Variants in CGNL1 observed in about 807,000 individuals in gnomAD.
CGNL1 encodes cingulin like 1.
CGNL1 carries 132 observed loss-of-function variants against 141.2 expected under a neutral mutation model. The observed-to-expected ratio is 0.93, with a 90% CI of 0.81 to 1.08. The LOEUF is 1.08. Among genes scored for constraint, CGNL1 ranks in the 50% least tolerant of loss-of-function variants. The probability of loss-of-function intolerance (pLI) is 0.00; values close to 1 mark genes in which losing one functional copy is unlikely to be tolerated. For missense variants in CGNL1, 1,870 were observed against 1,588.6 expected, an observed-to-expected ratio of 1.18 and a Z score of -3.01; for synonymous variants, 690 against 622.1, an observed-to-expected ratio of 1.11 and a Z score of -1.63.
chr15:57,542,059 G>A lies in CGNL1; in HGVS notation c.3292-1637G>A, dbSNP rs186753754. The stretch of plus-strand genomic sequence containing the variant: ...GTGTGACACACCTCGGTCAGGACAA[G>A]GGGAGCCAGGGAGCAAATGCAAGCC... On this transcript the variant is annotated intron_variant, in intron 14 of 18. Coordinates refer to ENST00000281282, the MANE Select transcript of CGNL1 (RefSeq NM_032866.5). Among the ~76,000 whole-genome samples the A allele has an allele frequency of 1.5e-3, 234 of 152,304 alleles. 1 individual carries two copies. The highest frequency in any genetic ancestry group is 2.7e-3 in the East Asian group (14 of 5,176).
chr15:57,541,135 G>A (rs1340303009), intron 14 of CGNL1, among the ~76,000 whole-genome samples: 1 of 152,248 alleles, frequency 6.6e-6, no homozygotes, highest in South Asian at 2.1e-4. Flanking sequence ...CCTTGCTTAG[G>A]AGCCTGTATC....
chr15:57,389,374 T>A (rs1293579333), intron 1 of CGNL1, among the ~76,000 whole-genome samples: 1 of 152,256 alleles, frequency 6.6e-6, no homozygotes, highest in African/African-American at 2.4e-5. Flanking sequence ...AAAAGTAGAT[T>A]CTGCTATCAA....
intron 17 of CGNL1, 21 bp from the exon 18 acceptor site, chr15:57,546,055 C>T (rs368701154): frequency 6.2e-7 from 1 of 1,605,178 alleles, no homozygotes; most frequent in African/African-American, 1.3e-5. Flanking sequence ...GGCACTCAGC[C>T]CACATTCTCT....
intron 8 of CGNL1, among the ~76,000 whole-genome samples, chr15:57,509,738 C>G (rs1644369147): frequency 6.6e-6 from 1 of 152,222 alleles, no homozygotes; most frequent in South Asian, 2.1e-4. Context: ...CACTTTCTTG[C>G]ATATGTGTGA....
intron 15 of CGNL1, 117 bp downstream of exon 15, chr15:57,543,896 CTG>C: frequency 2.9e-6 from 2 of 698,042 alleles, no homozygotes; most frequent in South Asian, 3.8e-5. Context: ...CCCAAGAACT[CTG>C]GGGGGTAACA....
chr15:57,535,193 G>A (rs2032192780), intron 14 of CGNL1, among the ~76,000 whole-genome samples: 1 of 152,166 alleles, frequency 6.6e-6, no homozygotes, highest in African/African-American at 2.4e-5. Context: ...AATTTCCAAG[G>A]CAGTGCTCTA....
intron 4 of CGNL1, among the ~76,000 whole-genome samples, chr15:57,443,419 C>T (rs1368522967): frequency 6.6e-6 from 1 of 152,220 alleles, no homozygotes; most frequent in African/African-American, 2.4e-5. Context: ...ATCTTCCTTT[C>T]CCCTCCCAGG....
At chr15:57,477,317 A>G (rs1214933285) in intron 8 of CGNL1, among the ~76,000 whole-genome samples, 2 of 152,218 alleles carry the variant, frequency 1.3e-5, no homozygotes, top group African/African-American at 2.4e-5. Context: ...CCAAGAGCCC[A>G]AAGACATCTA....
chr15:57,472,633 A>G (rs906631229), intron 8 of CGNL1, among the ~76,000 whole-genome samples: 4 of 152,102 alleles, frequency 2.6e-5, no homozygotes, highest in Non-Finnish European at 4.4e-5. Context: ...TAAAGGGATT[A>G]TTACCTGTCC....
chr15:57,482,897 G>T (rs144555736), intron 8 of CGNL1, among the ~76,000 whole-genome samples: 10 of 151,368 alleles, frequency 6.6e-5, no homozygotes, highest in African/African-American at 1.9e-4. Context: ...CAATTCTTCT[G>T]CCTCAACCTC....
chr15:57,543,449 C>T (rs1280169472), intron 14 of CGNL1, among the ~76,000 whole-genome samples: 6 of 152,156 alleles, frequency 3.9e-5, no homozygotes, highest in Admixed American at 6.5e-5. Context: ...GGACACAGTT[C>T]AACCCCTAAC....
rs184295546 is a variant in CGNL1 at position 57,487,546 on chromosome 15, T to C, written c.2403+25654T>C. On this transcript the variant is annotated intron_variant, in intron 8 of 18. Transcript: ENST00000281282. ...ATATTGGTAATAATATAAGTGTCAT[T>C]GGTTGTTACCAAATGAATCTATATA... 1.2e-3 allele frequency among the ~76,000 whole-genome samples: 178 copies of C among 152,346 alleles called. 1 individual carries two copies. The highest frequency in any genetic ancestry group is 4.3e-3 in the African/African-American group (177 of 41,578).
intron 8 of CGNL1, among the ~76,000 whole-genome samples, chr15:57,494,245 T>C (rs895593976): frequency 7.2e-5 from 11 of 152,270 alleles, no homozygotes; most frequent in African/African-American, 2.7e-4. Flanking sequence ...TGAATATTTC[T>C]AACTGGATAG....
intron 8 of CGNL1, among the ~76,000 whole-genome samples, chr15:57,505,464 A>G (rs1595775330): frequency 6.6e-6 from 1 of 152,126 alleles, no homozygotes; most frequent in African/African-American, 2.4e-5. Context: ...AGAGCTGGCT[A>G]TTGACCCAGG....
At chr15:57,415,853 T>C (rs1432293256) in intron 1 of CGNL1, among the ~76,000 whole-genome samples, 1 of 152,216 alleles carries the variant, frequency 6.6e-6, no homozygotes, top group African/African-American at 2.4e-5. Flanking sequence ...CTGTAGTAGC[T>C]CTGCCAGAAA....
At chr15:57,541,963 A>G (rs1014528813) in intron 14 of CGNL1, among the ~76,000 whole-genome samples, 2 of 152,048 alleles carry the variant, frequency 1.3e-5, no homozygotes, top group African/African-American at 4.8e-5. Context: ...TTGTGTCCCA[A>G]CCCTGCCTGT....
intron 10 of CGNL1, among the ~76,000 whole-genome samples, chr15:57,520,442 C>T (rs1237869404): frequency 6.6e-6 from 1 of 152,150 alleles, no homozygotes; most frequent in Non-Finnish European, 1.5e-5. Flanking sequence ...GATTTCTTTA[C>T]ATAGTAGCTG....
In CGNL1 at chr15:57,528,776, C is replaced by A. The variant is rs756133613; in HGVS notation, c.3162C>A (p.His1054Gln). The change falls in exon 13 of 19, where the codon CAC (histidine) becomes CAA (glutamine). Residue 1054 changes from histidine (H) to glutamine (Q), a missense_variant. Coordinates refer to ENST00000281282, the MANE Select transcript of CGNL1 (RefSeq NM_032866.5). ...AGTATGAGCTGGAAGCCAAGAGTCA[C>A]CTCAAAGATGACCGCAGCAGGCTGG... Reference protein sequence around the residue: ...DLEYELEAKSHLKDDRSRLVK... With the variant: ...DLEYELEAKSQLKDDRSRLVK... 2.5e-6 allele frequency: 4 copies of A among 1,614,106 alleles called. No individual in the cohort carries two copies. The African/African-American group carries it at 4.0e-5, about 16-fold the overall frequency.
chr15:57,461,816 AGGAGAT>A lies in CGNL1; in HGVS notation c.2331_2336del (p.Glu777_Met778del). The A allele has an allele frequency of 6.2e-7, 1 of 1,614,128 alleles. No individual in the cohort carries two copies. The highest frequency in any genetic ancestry group is 1.1e-5 in the South Asian group (1 of 91,090). On this transcript the variant is annotated inframe_deletion, in exon 8 of 19. Coordinates refer to ENST00000281282, the MANE Select transcript of CGNL1 (RefSeq NM_032866.5). ...AAAGAAGAGGTTTCCAGCCATGATC[AGGAGAT>A]GGACAAGCTGAAGGAGCAATATGAT...
Sources: allele counts gnomAD v4.1 joint callset (sites outside exome capture counted in the v4.1 genomes callset), GRCh38; gene constraint gnomAD v4.1.1; transcripts MANE v1.5; gene names NCBI Gene and HGNC (gene_info 2026-07-23, HGNC 2026-07-21).